Variants in KCNN2 observed in about 807,000 individuals in gnomAD.
The protein encoded by KCNN2 is small conductance calcium-activated potassium channel protein 2.
A neutral mutation model predicts 55.5 loss-of-function variants in KCNN2; 24 were observed. The ratio of observed to expected loss-of-function variants is 0.43; its 90% CI spans 0.31 to 0.61. The LOEUF (loss-of-function observed/expected upper bound fraction) is 0.61, where lower values mean the gene tolerates loss of function less well. Among genes scored for constraint, KCNN2 ranks in the 20% least tolerant of loss-of-function variants. The probability of loss-of-function intolerance (pLI) is 0.08; values close to 1 mark genes in which losing one functional copy is unlikely to be tolerated. For synonymous variants in KCNN2, 431 were observed against 336.1 expected, an observed-to-expected ratio of 1.28 and a Z score of -3.09; for missense variants, 754 against 853.6, an observed-to-expected ratio of 0.88 and a Z score of 1.45.
chr5:114,098,118 G>A (rs1345232489), intron 1 of KCNN2, among the ~76,000 whole-genome samples: 1 of 151,820 alleles, frequency 6.6e-6, no homozygotes, highest in African/African-American at 2.4e-5. Flanking sequence ...CTTTCTTTCC[G>A]CTTCTGTCAT....
chr5:114,320,755 A>G (rs986800681), intron 2 of KCNN2, among the ~76,000 whole-genome samples: 6 of 152,290 alleles, frequency 3.9e-5, no homozygotes, highest in African/African-American at 1.2e-4. Context: ...CTTCTTCTCC[A>G]TTCATTCCAG....
intron 3 of KCNN2, among the ~76,000 whole-genome samples, chr5:114,444,369 C>T (rs1760324676): frequency 6.6e-6 from 1 of 151,028 alleles, no homozygotes; most frequent in African/African-American, 2.4e-5. Flanking sequence ...GACCAAAATA[C>T]AGGCCAAAGT....
chr5:114,368,872 T>TC (rs1195864403), intron 2 of KCNN2, among the ~76,000 whole-genome samples: 7 of 151,438 alleles, frequency 4.6e-5, no homozygotes, highest in Non-Finnish European at 8.8e-5. Flanking sequence ...CCTATTTCAT[T>TC]TTTTTTTAGC....
intron 2 of KCNN2, among the ~76,000 whole-genome samples, chr5:114,258,503 C>G (rs9326916): frequency 0.014 from 2,203 of 152,012 alleles, 63 homozygotes; most frequent in African/African-American, 0.051. Context: ...TTTTTTATTA[C>G]TGATTCAGTC....
At chr5:114,255,797 A>G (rs1020227121) in intron 2 of KCNN2, among the ~76,000 whole-genome samples, 1 of 152,126 alleles carries the variant, frequency 6.6e-6, no homozygotes, top group Admixed American at 6.6e-5. Context: ...GGAGGTAGTA[A>G]AATCAGGTCT....
rs1316951083 is a variant in KCNN2 at position 114,437,282 on chromosome 5, G to GAAAACAGTGCCTGCTGGAGA, written c.1638-25759_1638-25740dup. Among the ~76,000 whole-genome samples the GAAAACAGTGCCTGCTGGAGA allele has an allele frequency of 3.3e-5, 5 of 152,266 alleles. No individual in the cohort carries two copies. In the East Asian group the frequency reaches 7.7e-4, roughly 23 times the overall value. On this transcript the variant is annotated intron_variant, in intron 3 of 7. Coordinates refer to ENST00000673685, the MANE Select transcript of KCNN2 (RefSeq NM_021614.4). Reference sequence around the variant, plus strand: ...ACAATGGAACAGCAGTCGAGGAATTGAAAACAGTGCCTGCTGGAGAAAAAC... The same window carrying GAAAACAGTGCCTGCTGGAGA: ...ACAATGGAACAGCAGTCGAGGAATTGAAAACAGTGCCTGCTGGAGAAAAACAGTGCCTGCTGGAGAAAAAC...
chr5:114,240,363 C>A (rs1349350161), intron 2 of KCNN2, among the ~76,000 whole-genome samples: 2 of 150,608 alleles, frequency 1.3e-5, no homozygotes, highest in African/African-American at 4.9e-5. Flanking sequence ...GATAGAAAAA[C>A]ATATAAAAAT....
In KCNN2 at chr5:114,363,116, A is replaced by G. The variant is rs531844593; in HGVS notation, c.977A>G (p.Asn326Ser). The G allele has an allele frequency of 1.6e-5, 26 of 1,613,300 alleles. No individual in the cohort carries two copies. The Admixed American group carries it at 3.8e-4, about 24-fold the overall frequency. Residue 326 changes from asparagine (N) to serine (S), a missense_variant, in exon 1 of 8, where the codon AAC (asparagine) becomes AGC (serine). Transcript: ENST00000673685. ...SSGTKSSKKK[N>S]QNIGYKLGHR... ...GGCACCAAGTCCAGCAAAAAGAAAA[A>G]CCAGAACATCGGCTACAAGCTGGGC...
intron 3 of KCNN2, among the ~76,000 whole-genome samples, chr5:114,461,388 T>G (rs1761183486): frequency 6.6e-6 from 1 of 152,136 alleles, no homozygotes; most frequent in Non-Finnish European, 1.5e-5. Context: ...TTTCTGCACC[T>G]CTGCCACAGA....
chr5:114,224,583 A>C (rs371228098), intron 2 of KCNN2, among the ~76,000 whole-genome samples: 1 of 152,264 alleles, frequency 6.6e-6, no homozygotes, highest in East Asian at 1.9e-4. Flanking sequence ...GGCAGAGCAC[A>C]AAAGAAAACA....
At chr5:114,261,264 A>G (rs1755103278) in intron 2 of KCNN2, among the ~76,000 whole-genome samples, 1 of 152,192 alleles carries the variant, frequency 6.6e-6, no homozygotes, top group Admixed American at 6.5e-5. Context: ...AAGATTGCAC[A>G]GTATGTCCTT....
At chr5:114,481,975 A>G (rs1762248388) in intron 5 of KCNN2, among the ~76,000 whole-genome samples, 1 of 152,228 alleles carries the variant, frequency 6.6e-6, no homozygotes, top group Non-Finnish European at 1.5e-5. Context: ...AGTCACGGGC[A>G]AAGATTTTAT....
intron 2 of KCNN2, among the ~76,000 whole-genome samples, chr5:114,256,153 C>T (rs1289572985): frequency 6.6e-6 from 1 of 152,106 alleles, no homozygotes; most frequent in African/African-American, 2.4e-5. Flanking sequence ...ACAGTTCCAT[C>T]CATGTTGTTA....
In KCNN2 at chr5:114,241,824, GTATATA is replaced by G. The variant is rs70976327; in HGVS notation, c.-185+20275_-185+20280del. Among the ~76,000 whole-genome samples, 18 of 31,974 alleles carry G rather than the reference GTATATA, an allele frequency of 5.6e-4. 5 individuals carry two copies. Among genetic ancestry groups the G allele is most frequent in the Admixed American group, 2.0e-3 (5 of 2,496 alleles). The allele number at this position is 31,974 out of a possible 152,430, so 21.0% of individuals were successfully genotyped here. A position where few individuals can be genotyped will look rare whatever the true frequency, so the allele number is the denominator to read the frequency against. Reference sequence around the variant, plus strand: ...TATATACGTATATATATATATGTGTGTATATATATATATATATATATGGAGTGTGAA... The same window carrying G: ...TATATACGTATATATATATATGTGTGTATATATATATATATGGAGTGTGAA... On this transcript the variant is annotated intron_variant, in intron 2 of 10. Coordinates refer to the KCNN2 transcript ENST00000512097.
Position 114,295,445 on chromosome 5 carries a change from A to G in KCNN2, c.-184-65500A>G, listed in dbSNP as rs1441936940. ...AGCCTCGCTGCCACCTTGCAGTTTG[A>G]TCTCAGACTGCTGTGCTAGCAATCA... On this transcript the variant is annotated intron_variant, in intron 2 of 10. Transcript: ENST00000512097. 4.6e-5 allele frequency among the ~76,000 whole-genome samples: 7 copies of G among 152,018 alleles called. No homozygotes were observed. In the East Asian group the frequency reaches 1.4e-3, roughly 29 times the overall value.
At position 114,343,610 on chromosome 5, in the gene KCNN2, T is replaced by C. The variant is rs149412752; in HGVS notation, c.-184-17335T>C. Among the ~76,000 whole-genome samples, 521 of 151,786 alleles carry C rather than the reference T, an allele frequency of 3.4e-3. 4 individuals carry two copies. Among genetic ancestry groups the C allele is most frequent in the Non-Finnish European group, 4.6e-3 (313 of 67,934 alleles). On this transcript the variant is annotated intron_variant, in intron 2 of 10. Coordinates refer to the KCNN2 transcript ENST00000512097. ...GAGGGGCAAAAGAATGAAGTCAGAGTGGCAGAAAGAATGCTCATCTCTCCA... is the reference window on the plus strand; with the variant it reads ...GAGGGGCAAAAGAATGAAGTCAGAGCGGCAGAAAGAATGCTCATCTCTCCA...
intron 1 of KCNN2, among the ~76,000 whole-genome samples, chr5:114,165,692 A>G (rs1752894541): frequency 6.6e-6 from 1 of 152,100 alleles, no homozygotes; most frequent in Non-Finnish European, 1.5e-5. Context: ...TTTTTTTGGA[A>G]AAGTTATGAT....
intron 1 of KCNN2, among the ~76,000 whole-genome samples, chr5:114,192,517 T>C (rs1753471409): frequency 6.6e-6 from 1 of 152,122 alleles, no homozygotes; most frequent in Non-Finnish European, 1.5e-5. Flanking sequence ...CTGAGGAAGA[T>C]TTCTTGGGGT....
chr5:114,167,666 C>T (rs768480991), intron 1 of KCNN2, among the ~76,000 whole-genome samples: 3 of 152,004 alleles, frequency 2.0e-5, no homozygotes, highest in Non-Finnish European at 4.4e-5. Context: ...TGGACCTGCC[C>T]CATTTCAAAA....
Sources: gnomAD v4.1 joint callset for allele counts (sites outside exome capture counted in the v4.1 genomes callset) on GRCh38, gnomAD v4.1.1 for gene constraint, MANE v1.5 for transcripts, NCBI Gene and HGNC (gene_info 2026-07-23, HGNC 2026-07-21) for gene names.